Variants in SUGCT observed in about 807,000 individuals in gnomAD.
The protein encoded by SUGCT is succinyl-CoA:glutarate CoA-transferase.
Under a neutral mutation model 55.0 loss-of-function variants are expected in SUGCT, and 41 were observed. The ratio of observed to expected loss-of-function variants is 0.74; its 90% CI spans 0.58 to 0.97. The LOEUF (loss-of-function observed/expected upper bound fraction) is 0.97, where lower values mean the gene tolerates loss of function less well. SUGCT is among the 50% of genes least tolerant of loss of function. The pLI, the probability that SUGCT is intolerant of heterozygous loss-of-function variation, is 0.00. For missense variants in SUGCT, 568 were observed against 547.8 expected, an observed-to-expected ratio of 1.04 and a Z score of -0.37; for synonymous variants, 187 against 200.4, an observed-to-expected ratio of 0.93 and a Z score of 0.56.
chr7:40,571,314 G>T (rs922088327), intron 12 of SUGCT, among the ~76,000 whole-genome samples: 2 of 152,132 alleles, frequency 1.3e-5, no homozygotes, highest in African/African-American at 2.4e-5. Context: ...GAGAATTACT[G>T]TATAAATGAA....
chr7:40,595,135 A>G (rs1194166655), intron 12 of SUGCT, among the ~76,000 whole-genome samples: 1 of 152,218 alleles, frequency 6.6e-6, no homozygotes, highest in Non-Finnish European at 1.5e-5. Context: ...GCTTCAAAAT[A>G]TATTATGTTT....
At chr7:40,595,438 G>T (rs1797957973) in intron 12 of SUGCT, among the ~76,000 whole-genome samples, 1 of 152,112 alleles carries the variant, frequency 6.6e-6, no homozygotes, top group Non-Finnish European at 1.5e-5. Context: ...GAAAAGCATT[G>T]CATACAAAGT....
the SUGCT span, among the ~76,000 whole-genome samples, chr7:40,873,945 C>T: frequency 6.6e-6 from 1 of 152,200 alleles, no homozygotes; most frequent in South Asian, 2.1e-4. Flanking sequence ...AATGAGCCTT[C>T]ATCTTCAAAG....
At chr7:40,701,394 C>T (rs531406496) in intron 12 of SUGCT, among the ~76,000 whole-genome samples, 1 of 152,218 alleles carries the variant, frequency 6.6e-6, no homozygotes, top group Non-Finnish European at 1.5e-5. Context: ...GCGTCAGCTT[C>T]GCTCCTACAG....
At chr7:40,991,276 G>A in the SUGCT span, among the ~76,000 whole-genome samples, 1 of 152,158 alleles carries the variant, frequency 6.6e-6, no homozygotes. Context: ...GGAGGAGTCA[G>A]AGCAATTCCA....
intron 9 of SUGCT, among the ~76,000 whole-genome samples, chr7:40,448,244 C>CCCTCCCTTCCTTCCTT (rs1421691982): frequency 7.2e-6 from 1 of 137,986 alleles, no homozygotes; most frequent in African/African-American, 2.7e-5. Context: ...CTCCCTCCCT[C>CCCTCCCTTCCTTCCTT]CCTTCCTTCC....
the SUGCT span, among the ~76,000 whole-genome samples, chr7:41,002,918 G>A: frequency 1.3e-5 from 2 of 152,072 alleles, no homozygotes; most frequent in Non-Finnish European, 2.9e-5. Flanking sequence ...TAGGACAGAT[G>A]AGTCAATGGT....
At chr7:40,313,973 C>T (rs972572098) in intron 8 of SUGCT, among the ~76,000 whole-genome samples, 27 of 152,230 alleles carry the variant, frequency 1.8e-4, no homozygotes, top group African/African-American at 5.1e-4. Flanking sequence ...TTCTGAAATG[C>T]TTTTTGTTTT....
rs1403699988 is a variant in SUGCT, at chr7:40,323,978, C to A, written c.816+7123C>A. On this transcript the variant is annotated intron_variant, in intron 9 of 13. Transcript: ENST00000335693. The stretch of plus-strand genomic sequence containing the variant: ...CATCTTCTCTTCTCTAAGATCTTTC[C>A]ATCTCTCCTCATCCTTAAAGACTTT... Among the ~76,000 whole-genome samples, 3 of 151,954 alleles carry A rather than the reference C, an allele frequency of 2.0e-5. No homozygotes were observed. The South Asian group carries it at 6.2e-4, about 31-fold the overall frequency.
intron 9 of SUGCT, among the ~76,000 whole-genome samples, chr7:40,320,138 G>A (rs1420967268): frequency 3.5e-5 from 5 of 144,734 alleles, no homozygotes; most frequent in Non-Finnish European, 7.5e-5. Context: ...ATAGAGTCTC[G>A]CTCTGTCACC....
the SUGCT span, among the ~76,000 whole-genome samples, chr7:41,025,978 G>C: frequency 6.6e-6 from 1 of 152,272 alleles, no homozygotes; most frequent in Non-Finnish European, 1.5e-5. Flanking sequence ...GTGGACTCCA[G>C]GAGAGGCCTT....
chr7:41,018,578 GTGTT>G, the SUGCT span, among the ~76,000 whole-genome samples: 1 of 152,148 alleles, frequency 6.6e-6, no homozygotes, highest in Admixed American at 6.5e-5. Flanking sequence ...AGTTGCGACT[GTGTT>G]TGTCTTTCAG....
At chr7:40,781,063 T>C (rs1789718983) in intron 13 of SUGCT, among the ~76,000 whole-genome samples, 1 of 152,204 alleles carries the variant, frequency 6.6e-6, no homozygotes, top group Admixed American at 6.5e-5. Context: ...ACATGGGCTT[T>C]TGAAGAATGC....
intron 12 of SUGCT, among the ~76,000 whole-genome samples, chr7:40,502,592 G>A (rs1476068368): frequency 6.6e-6 from 1 of 151,668 alleles, no homozygotes; most frequent in Non-Finnish European, 1.5e-5. Context: ...TAAAATTAAA[G>A]GAGAACATTA....
intron 7 of SUGCT, among the ~76,000 whole-genome samples, chr7:40,266,201 T>TTTTGAGGTG (rs1791565386): frequency 6.8e-6 from 1 of 146,114 alleles, no homozygotes; most frequent in African/African-American, 2.5e-5. Context: ...TTTTTTTTTT[T>TTTTGAGGTG]GAGGTGGAGT....
the SUGCT span, among the ~76,000 whole-genome samples, chr7:40,940,542 A>G: frequency 6.6e-6 from 1 of 152,000 alleles, no homozygotes; most frequent in Non-Finnish European, 1.5e-5. Flanking sequence ...TGATTTTATC[A>G]TCTATGATTT....
chr7:40,249,313 C>CTATATATATATATATATATATATATATA (rs57348487), intron 7 of SUGCT, among the ~76,000 whole-genome samples: 6 of 79,514 alleles, frequency 7.5e-5, no homozygotes, highest in Non-Finnish European at 1.1e-4. Context: ...CACCAAAAAG[C>CTATATATATATATATATATATATATATA]TATATATATA....
chr7:40,681,047 G>A (rs1320227733), intron 12 of SUGCT, among the ~76,000 whole-genome samples: 3 of 152,072 alleles, frequency 2.0e-5, no homozygotes, highest in African/African-American at 7.2e-5. Flanking sequence ...TCAGATACTG[G>A]GAACCATGGG....
intron 12 of SUGCT, among the ~76,000 whole-genome samples, chr7:40,588,522 T>C (rs1357523671): frequency 6.6e-6 from 1 of 152,184 alleles, no homozygotes; most frequent in Non-Finnish European, 1.5e-5. Flanking sequence ...GAATTCTAAC[T>C]TTCCCATGGT....
Sources: allele counts gnomAD v4.1 joint callset (sites outside exome capture counted in the v4.1 genomes callset), GRCh38; gene constraint gnomAD v4.1.1; transcripts MANE v1.5; gene names NCBI Gene and HGNC (gene_info 2026-07-23, HGNC 2026-07-21).